The following PTPRD variants were observed in gnomAD, a reference collection of about 807,000 sequenced individuals.
PTPRD encodes receptor-type tyrosine-protein phosphatase delta.
Under a neutral mutation model 214.5 loss-of-function variants are expected in PTPRD, and 34 were observed. The observed-to-expected ratio is 0.16, with a 90% confidence interval of 0.12 to 0.21. The LOEUF is 0.21. Ranked by LOEUF, PTPRD falls within the 10% of genes least tolerant of loss-of-function variation. The pLI is 1.00. For missense variants in PTPRD, 2,545 were observed against 2,398.7 expected (o/e 1.06, Z -1.27); for synonymous variants, 1,128 against 845.7 (o/e 1.33, Z -5.79).
At chr9:9,148,910 A>G (rs146260799) in intron 10 of PTPRD, among the ~76,000 whole-genome samples, 357 of 152,374 alleles carry the variant, frequency 2.3e-3, no homozygotes, top group African/African-American at 8.0e-3. Context: ...TGGTGCAGTT[A>G]CAAATAAAGA....
chr9:8,342,459 A>G (rs1344816812), intron 39 of PTPRD, among the ~76,000 whole-genome samples: 1 of 152,070 alleles, frequency 6.6e-6, no homozygotes, highest in East Asian at 1.9e-4. Context: ...CATGCTTCCT[A>G]TTTATCAAAC....
At chr9:8,545,532 G>C (rs2079831111) in intron 14 of PTPRD, among the ~76,000 whole-genome samples, 3 of 152,130 alleles carry the variant, frequency 2.0e-5, no homozygotes, top group Admixed American at 6.5e-5. Flanking sequence ...CTAGAACAGA[G>C]TCAACTATCA....
At chr9:10,321,002 G>T (rs1392545873) in intron 3 of PTPRD, among the ~76,000 whole-genome samples, 2 of 151,998 alleles carry the variant, frequency 1.3e-5, no homozygotes, top group Admixed American at 1.3e-4. Flanking sequence ...TGAGATTACA[G>T]ATGTGAGCCA....
intron 9 of PTPRD, among the ~76,000 whole-genome samples, chr9:9,373,307 A>G (rs542946191): frequency 6.6e-6 from 1 of 152,192 alleles, no homozygotes; most frequent in South Asian, 2.1e-4. Context: ...AATTTAAGTG[A>G]CTTTCTATAA....
At chr9:10,041,441 C>T (rs141080277) in intron 3 of PTPRD, among the ~76,000 whole-genome samples, 4,294 of 151,904 alleles carry the variant, frequency 0.028, 119 homozygotes, top group Admixed American at 0.088. Context: ...GTCAATAACC[C>T]ACTTTTTAAG....
intron 9 of PTPRD, among the ~76,000 whole-genome samples, chr9:9,257,720 G>C (rs567577223): frequency 6.6e-6 from 1 of 151,824 alleles, no homozygotes; most frequent in Non-Finnish European, 1.5e-5. Context: ...GGAGTACAAG[G>C]TTACAGTGAC....
intron 11 of PTPRD, among the ~76,000 whole-genome samples, chr9:8,988,870 G>C (rs957111660): frequency 6.6e-6 from 1 of 152,104 alleles, no homozygotes; most frequent in Non-Finnish European, 1.5e-5. Context: ...GAGAAGTAAT[G>C]TCAGTCCTTA....
intron 11 of PTPRD, among the ~76,000 whole-genome samples, chr9:8,944,840 C>A (rs1324240987): frequency 1.3e-5 from 2 of 151,560 alleles, no homozygotes; most frequent in Non-Finnish European, 2.9e-5. Context: ...GATAGCACAC[C>A]AGAATGACTA....
At chr9:9,226,744 G>A (rs932201338) in intron 9 of PTPRD, among the ~76,000 whole-genome samples, 3 of 151,958 alleles carry the variant, frequency 2.0e-5, no homozygotes, top group African/African-American at 7.2e-5. Context: ...ACTATAAGCT[G>A]CATGAAGGTA....
chr9:9,665,395 G>GT (rs895739892), intron 7 of PTPRD, among the ~76,000 whole-genome samples: 2 of 151,702 alleles, frequency 1.3e-5, no homozygotes, highest in Non-Finnish European at 3.0e-5. Context: ...CAAAATAGAT[G>GT]TTTTTTATTT....
At chr9:9,376,973 A>G (rs1357914769) in intron 9 of PTPRD, among the ~76,000 whole-genome samples, 2 of 152,146 alleles carry the variant, frequency 1.3e-5, no homozygotes, top group African/African-American at 2.4e-5. Context: ...ACTCAATATA[A>G]AAACTGAAAA....
At chr9:8,527,018 T>C (rs2074340300) in intron 16 of PTPRD, among the ~76,000 whole-genome samples, 1 of 151,950 alleles carries the variant, frequency 6.6e-6, no homozygotes, top group Admixed American at 6.6e-5. Context: ...GGCTAATCTA[T>C]TTAAGTATAT....
rs72694784 is a variant in PTPRD at position 8,524,862 on chromosome 9, G to A, written c.679+63C>T. 4,846 of 1,328,516 alleles carry A rather than the reference G, an allele frequency of 3.6e-3. 11 individuals are homozygous for A. The highest frequency in any genetic ancestry group is 4.6e-3 in the Non-Finnish European group (4,213 of 920,702). 82.3% of individuals were successfully genotyped at this position (1,328,516 alleles called of 1,614,324 possible). A position where few individuals can be genotyped will look rare whatever the true frequency, so the allele number is the denominator to read the frequency against. ...CTACTAATATAACAACACGGACCCT[G>A]CGGCGTCTCAACTCCCCCTGAGCCT... On this transcript the variant is annotated intron_variant, in intron 18 of 45. Coordinates refer to ENST00000381196, the MANE Select transcript of PTPRD (RefSeq NM_002839.4).
At chr9:10,349,678 T>A (rs747347562) in intron 2 of PTPRD, among the ~76,000 whole-genome samples, 5 of 152,234 alleles carry the variant, frequency 3.3e-5, no homozygotes, top group Non-Finnish European at 7.3e-5. Context: ...CTGTTGAATT[T>A]AGGCTTAATT....
At chr9:10,592,265 G>T (rs1395508569) in intron 2 of PTPRD, among the ~76,000 whole-genome samples, 1 of 151,884 alleles carries the variant, frequency 6.6e-6, no homozygotes, top group Non-Finnish European at 1.5e-5. Flanking sequence ...GAAGGTCCCA[G>T]GATGACATAT....
chr9:9,031,887 A>C (rs1464092469), intron 10 of PTPRD, among the ~76,000 whole-genome samples: 2 of 152,036 alleles, frequency 1.3e-5, no homozygotes, highest in Non-Finnish European at 1.5e-5. Context: ...TTGGACAGTC[A>C]AAAAATGGGG....
intron 3 of PTPRD, among the ~76,000 whole-genome samples, chr9:10,098,553 A>G (rs1200412051): frequency 6.6e-6 from 1 of 151,790 alleles, no homozygotes; most frequent in African/African-American, 2.4e-5. Context: ...ACTTGAGCGC[A>G]CACTCTCATA....
chr9:10,331,659 T>C (rs781534934), intron 3 of PTPRD, among the ~76,000 whole-genome samples: 19 of 151,936 alleles, frequency 1.3e-4, no homozygotes, highest in Non-Finnish European at 2.5e-4. Context: ...TGCTTGTTAG[T>C]CCAAATTGAG....
At chr9:9,778,042 G>A (rs1231599736) in intron 5 of PTPRD, among the ~76,000 whole-genome samples, 1 of 152,186 alleles carries the variant, frequency 6.6e-6, no homozygotes, top group East Asian at 1.9e-4. Context: ...GGGGAGACAA[G>A]ATGGCTGAAG....
Sources: allele counts gnomAD v4.1 joint callset (sites outside exome capture counted in the v4.1 genomes callset), GRCh38; gene constraint gnomAD v4.1.1; transcripts MANE v1.5; gene names NCBI Gene and HGNC (gene_info 2026-07-23, HGNC 2026-07-21).